SMARCA5: variants seen among roughly 807,000 people sequenced by gnomAD.
SMARCA5 encodes the protein SNF2 related chromatin remodeling ATPase 5, also known as SWI/SNF-related matrix-associated actin-dependent regulator of chromatin subfamily A member 5.
A neutral mutation model predicts 140.4 loss-of-function variants in SMARCA5; 18 were observed. That is an observed-to-expected ratio of 0.13 (90% confidence interval 0.09 to 0.19). The LOEUF is 0.19. Among genes scored for constraint, SMARCA5 ranks in the 10% least tolerant of loss-of-function variants. The probability of loss-of-function intolerance (pLI) is 1.00; values close to 1 mark genes in which losing one functional copy is unlikely to be tolerated. For missense variants in SMARCA5, 606 were observed against 1,276.8 expected (o/e 0.47, Z 8.01); for synonymous variants, 449 against 419.6 (o/e 1.07, Z -0.86).
chr4:143,541,958 A>G (rs894162723), intron 14 of SMARCA5, among the ~76,000 whole-genome samples: 2 of 151,952 alleles, frequency 1.3e-5, no homozygotes, highest in Non-Finnish European at 2.9e-5. Context: ...CCTGGGTTCA[A>G]GCAATTCTGC....
intron 14 of SMARCA5, 110 bp downstream of exon 14, chr4:143,540,605 G>A (rs920317209): frequency 4.1e-6 from 4 of 980,368 alleles, no homozygotes; most frequent in African/African-American, 1.7e-5. Context: ...AGTCAAGCTT[G>A]CAGCCAGTAG....
Position 143,513,934 on chromosome 4 carries a change from G to A in SMARCA5, c.10G>A (p.Ala4Thr). The A allele has an allele frequency of 6.5e-7, 1 of 1,544,652 alleles. No homozygotes were observed. The highest frequency in any genetic ancestry group is 8.7e-7 in the Non-Finnish European group (1 of 1,152,216). The part of the protein sequence containing the change: MSS[A>T]AEPPPPPPPE... ...ACGCAGACGGAACATCATGTCGTCC[G>A]CGGCCGAGCCTCCGCCACCCCCGCC... The change falls in exon 1 of 24, where the codon GCG becomes ACG. Residue 4 changes from alanine (A) to threonine (T), a missense_variant. Transcript: ENST00000283131.
At chr4:143,530,435 A>G (rs772990392) in intron 8 of SMARCA5, 23 bp from the exon 9 acceptor site, 6 of 1,543,612 alleles carry the variant, frequency 3.9e-6, no homozygotes, top group Non-Finnish European at 4.5e-6. Flanking sequence ...TGATCTGAGT[A>G]TATTTTTTGT....
At chr4:143,516,096 A>G (rs1736824942) in intron 1 of SMARCA5, among the ~76,000 whole-genome samples, 1 of 152,078 alleles carries the variant, frequency 6.6e-6, no homozygotes, top group Non-Finnish European at 1.5e-5. Context: ...ATATGTCACA[A>G]CTTAATCTGT....
chr4:143,555,970 C>T lies in SMARCA5; in HGVS notation c.*2786C>T, dbSNP rs1170661091. The T allele has an allele frequency of 1.3e-5, 2 of 152,182 alleles. No homozygotes were observed. Among genetic ancestry groups the T allele is most frequent in the African/African-American group, 4.8e-5 (2 of 41,422 alleles). 9.4% of individuals were successfully genotyped at this position (152,182 alleles called of 1,614,324 possible). A position where few individuals can be genotyped will look rare whatever the true frequency, so the allele number is the denominator to read the frequency against. Reference sequence around the variant, plus strand: ...TGGGATCATAGTTGTGAGCCTACACCACACCTGGCCTACATTTTGTTTTTC... The same window carrying T: ...TGGGATCATAGTTGTGAGCCTACACTACACCTGGCCTACATTTTGTTTTTC... On this transcript the variant is annotated 3_prime_UTR_variant, in exon 24 of 24. Transcript: ENST00000283131.
At chr4:143,532,427 G>A (rs892630699) in intron 9 of SMARCA5, among the ~76,000 whole-genome samples, 5 of 152,072 alleles carry the variant, frequency 3.3e-5, no homozygotes, top group Admixed American at 1.3e-4. Context: ...AACCCATTCA[G>A]CAGTATCAAC....
intron 13 of SMARCA5, among the ~76,000 whole-genome samples, chr4:143,539,533 CTTTCTT>C (rs1214976646): frequency 9.5e-4 from 86 of 90,474 alleles, no homozygotes; most frequent in African/African-American, 3.5e-3. Context: ...TCATTAGTCA[CTTTCTT>C]TTTTTTTTTT....
chr4:143,519,327 C>T (rs999547053), intron 2 of SMARCA5, among the ~76,000 whole-genome samples: 3 of 152,040 alleles, frequency 2.0e-5, no homozygotes, highest in Non-Finnish European at 4.4e-5. Flanking sequence ...AGTTTACTTA[C>T]GAGTTTATTC....
rs186482465 is a variant in SMARCA5 at position 143,520,720 on chromosome 4, T to C, written c.253-709T>C. Among the ~76,000 whole-genome samples the C allele has an allele frequency of 1.5e-4, 23 of 152,310 alleles. No homozygotes were observed. The East Asian group carries it at 3.7e-3, about 24-fold the overall frequency. On this transcript the variant is annotated intron_variant, in intron 2 of 23. Coordinates refer to ENST00000283131, the MANE Select transcript of SMARCA5 (RefSeq NM_003601.4). ...TCTCCTTTGTTTCATCAAACTATTA[T>C]TGTTTTTGTATAAAGGCTGCCTAAT...
chr4:143,548,577 G>T (rs1362060380), intron 22 of SMARCA5, among the ~76,000 whole-genome samples: 1 of 152,018 alleles, frequency 6.6e-6, no homozygotes, highest in African/African-American at 2.4e-5. Context: ...CACTGATTTA[G>T]TGCTAGGTTT....
At chr4:143,547,581 A>AG in intron 21 of SMARCA5, 78 bp downstream of exon 21, 1 of 778,972 alleles carries the variant, frequency 1.3e-6, no homozygotes, top group Non-Finnish European at 2.2e-6. Context: ...CTTTTTATAA[A>AG]GGAAAAGAAG....
chr4:143,534,156 G>T (rs1737256002), intron 9 of SMARCA5, among the ~76,000 whole-genome samples: 1 of 146,670 alleles, frequency 6.8e-6, no homozygotes, highest in South Asian at 2.2e-4. Context: ...TGTGTACGTT[G>T]TTTTTTTTTT....
chr4:143,514,142 A>T (rs1182224024), intron 1 of SMARCA5, 41 bp downstream of exon 1: 3 of 1,475,234 alleles, frequency 2.0e-6, no homozygotes, highest in Non-Finnish European at 2.7e-6. Context: ...TGCAGCGGGG[A>T]GGAGGAGCTG....
chr4:143,514,786 TA>T (rs756537563), intron 1 of SMARCA5, among the ~76,000 whole-genome samples: 53 of 152,178 alleles, frequency 3.5e-4, no homozygotes, highest in Non-Finnish European at 5.6e-4. Flanking sequence ...GGGGGATGAA[TA>T]AGTGTAGGAA....
chr4:143,547,592 T>A (rs1348987878), intron 21 of SMARCA5, 89 bp downstream of exon 21: 1 of 746,574 alleles, frequency 1.3e-6, no homozygotes, highest in African/African-American at 1.8e-5. Flanking sequence ...GGAAAAGAAG[T>A]AAGGGTTTAC....
At chr4:143,528,076 A>G (rs1245718547) in intron 7 of SMARCA5, 53 bp downstream of exon 7, 58 of 1,407,418 alleles carry the variant, frequency 4.1e-5, no homozygotes, top group Non-Finnish European at 5.1e-5. Flanking sequence ...TGATTAAAGT[A>G]CAGATTTTTT....
chr4:143,514,253 C>T (rs1343218045), intron 1 of SMARCA5, 152 bp downstream of exon 1: 8 of 692,456 alleles, frequency 1.2e-5, no homozygotes, highest in East Asian at 3.0e-5. Flanking sequence ...TGCTCTCACT[C>T]TTGCTCCCTT....
At chr4:143,543,168 A>G (rs2149823800) in intron 14 of SMARCA5, among the ~76,000 whole-genome samples, 1 of 152,326 alleles carries the variant, frequency 6.6e-6, no homozygotes, top group Admixed American at 6.5e-5. Flanking sequence ...TCTGCTCATC[A>G]GAAACTTGTG....
chr4:143,545,179 G>A (rs1305626065), intron 17 of SMARCA5, among the ~76,000 whole-genome samples: 1 of 152,106 alleles, frequency 6.6e-6, no homozygotes, highest in Non-Finnish European at 1.5e-5. Context: ...TTGACCTCAT[G>A]ATCCGCCCAC....
Sources: gnomAD v4.1 joint callset for allele counts (sites outside exome capture counted in the v4.1 genomes callset) on GRCh38, gnomAD v4.1.1 for gene constraint, MANE v1.5 for transcripts, NCBI Gene and HGNC (gene_info 2026-07-23, HGNC 2026-07-21) for gene names.